Variants in EHF observed in about 807,000 individuals in gnomAD.
EHF encodes ETS homologous factor.
In EHF, 14 loss-of-function variants were observed where a neutral mutation model predicts 45.1. The observed-to-expected ratio is 0.31, with a 90% confidence interval of 0.21 to 0.49. The LOEUF (loss-of-function observed/expected upper bound fraction) is 0.49. Ranked by LOEUF, EHF falls within the 20% of genes least tolerant of loss-of-function variation. The probability of loss-of-function intolerance (pLI) is 0.99; values close to 1 mark genes in which losing one functional copy is unlikely to be tolerated. For synonymous variants in EHF, 136 were observed against 131.8 expected, an observed-to-expected ratio of 1.03 and a Z score of -0.22; for missense variants, 282 against 371.4, an observed-to-expected ratio of 0.76 and a Z score of 1.98.
chr11:34,624,180 G>C (rs576464922), intron 1 of EHF: 1 of 620,480 alleles, frequency 1.6e-6, no homozygotes, highest in Middle Eastern at 8.0e-4. Flanking sequence ...TAGAGTTGAC[G>C]TGACACTCAT....
chr11:34,635,050 A>T lies in EHF; in HGVS notation c.-3-7578A>T, dbSNP rs7945208. On this transcript the variant is annotated intron_variant, in intron 1 of 8. Coordinates refer to ENST00000257831, the MANE Select transcript of EHF (RefSeq NM_012153.6). ...TGTTAAATGACATAATGCCTCCTAG[A>T]GTTGTTGTGAGCATTGATTGAGATA... Among the ~76,000 whole-genome samples, 72 of 152,104 alleles carry T rather than the reference A, an allele frequency of 4.7e-4. 1 individual carries two copies. The South Asian group carries it at 0.011, about 23-fold the overall frequency.
At chr11:34,635,345 C>T (rs1853279121) in intron 1 of EHF, among the ~76,000 whole-genome samples, 1 of 151,870 alleles carries the variant, frequency 6.6e-6, no homozygotes, top group Admixed American at 6.6e-5. Flanking sequence ...CTGAGCAGAG[C>T]CTCCTGGGTC....
At chr11:34,640,474 T>G (rs1853877851) in intron 1 of EHF, among the ~76,000 whole-genome samples, 1 of 152,192 alleles carries the variant, frequency 6.6e-6, no homozygotes, top group Non-Finnish European at 1.5e-5. Context: ...ACCTTTCCAC[T>G]GCTTGTGGTT....
intron 4 of EHF, among the ~76,000 whole-genome samples, chr11:34,651,206 A>C (rs2134180278): frequency 6.6e-6 from 1 of 151,978 alleles, no homozygotes; most frequent in Admixed American, 6.6e-5. Context: ...TCTGGTGATT[A>C]TGCAGTAGAA....
At chr11:34,627,477 G>A (rs1248669172) in intron 1 of EHF, among the ~76,000 whole-genome samples, 3 of 152,098 alleles carry the variant, frequency 2.0e-5, no homozygotes, top group Non-Finnish European at 4.4e-5. Flanking sequence ...TCTTGATCAT[G>A]TCTCCAGATG....
At chr11:34,652,287 C>T (rs1855246344) in intron 6 of EHF, among the ~76,000 whole-genome samples, 1 of 152,200 alleles carries the variant, frequency 6.6e-6, no homozygotes, top group Non-Finnish European at 1.5e-5. Flanking sequence ...CCCACAGTTA[C>T]ACTATTTTGT....
rs765376347 is a variant in EHF at position 34,651,617 on chromosome 11, A to G, written c.475+7A>G. The G allele has an allele frequency of 1.2e-6, 2 of 1,613,046 alleles. No homozygotes were observed. The highest frequency in any genetic ancestry group is 2.2e-5 in the South Asian group (2 of 91,052). On this transcript the variant is annotated splice_region_variant and intron_variant, in intron 5 of 8. Coordinates refer to ENST00000257831, the MANE Select transcript of EHF (RefSeq NM_012153.6). ...AACTATGGTAGCACAGTAGGTAACT[A>G]ACTCCCTGACACTTAAGGCCCTTTA...
chr11:34,655,156 G>T (rs896460394), intron 6 of EHF, among the ~76,000 whole-genome samples: 4 of 152,176 alleles, frequency 2.6e-5, no homozygotes, highest in Admixed American at 2.6e-4. Flanking sequence ...AGAAACCCAA[G>T]TCAGGTGCAG....
chr11:34,637,204 C>G (rs1853514608), intron 1 of EHF, among the ~76,000 whole-genome samples: 1 of 152,116 alleles, frequency 6.6e-6, no homozygotes, highest in African/African-American at 2.4e-5. Context: ...ATAGGAGACT[C>G]TTAAACTTTA....
At chr11:34,652,931 T>C (rs1340397316) in intron 6 of EHF, among the ~76,000 whole-genome samples, 1 of 152,228 alleles carries the variant, frequency 6.6e-6, no homozygotes, top group African/African-American at 2.4e-5. Context: ...GCATTATGTG[T>C]CACTTGAGGT....
At chr11:34,632,148 A>T (rs532611720) in intron 1 of EHF, among the ~76,000 whole-genome samples, 109 of 152,278 alleles carry the variant, frequency 7.2e-4, no homozygotes, top group African/African-American at 2.4e-3. Context: ...TGGCATGAAC[A>T]CTCAGTCAAA....
At chr11:34,648,513 A>T (rs560160769) in intron 3 of EHF, among the ~76,000 whole-genome samples, 12 of 152,336 alleles carry the variant, frequency 7.9e-5, no homozygotes, top group Admixed American at 6.5e-4. Flanking sequence ...CACAGATTGG[A>T]TGTAATCATG....
intron 1 of EHF, among the ~76,000 whole-genome samples, chr11:34,622,932 T>G (rs969374985): frequency 2.2e-4 from 33 of 152,358 alleles, no homozygotes; most frequent in African/African-American, 7.5e-4. Flanking sequence ...TTCTCTTACA[T>G]GACCGCGCAA....
intron 1 of EHF, chr11:34,622,223 C>A: frequency 4.3e-6 from 1 of 232,552 alleles, no homozygotes; most frequent in Non-Finnish European, 8.7e-6. Context: ...TCCATCTTTG[C>A]TGATTTACCA....
Position 34,656,980 on chromosome 11 carries a change from C to T in EHF, c.607+10C>T. On this transcript the variant is annotated intron_variant, in intron 7 of 8. Coordinates refer to ENST00000257831, the MANE Select transcript of EHF (RefSeq NM_012153.6). ...CACACCAAAAAGCACAGTAAGTTGG[C>T]TGGCTTTCAGATGGCCTTTGGTCCT... The T allele has an allele frequency of 2.5e-6, 4 of 1,613,182 alleles. No individual in the cohort carries two copies. Among genetic ancestry groups the T allele is most frequent in the Non-Finnish European group, 3.4e-6 (4 of 1,179,546 alleles).
chr11:34,630,448 C>A (rs1852772211), intron 1 of EHF, among the ~76,000 whole-genome samples: 1 of 152,176 alleles, frequency 6.6e-6, no homozygotes, highest in Admixed American at 6.5e-5. Context: ...CAAATATGAA[C>A]TATTATCACT....
intron 1 of EHF, among the ~76,000 whole-genome samples, chr11:34,637,813 T>G (rs1018955681): frequency 3.9e-5 from 6 of 152,182 alleles, no homozygotes; most frequent in East Asian, 1.9e-4. Flanking sequence ...TCAAATACAC[T>G]TCCCTCCAAT....
At position 34,660,762 on chromosome 11, in the gene EHF, A is replaced by G. The variant is rs960245256; in HGVS notation, c.*1831A>G. The G allele has an allele frequency of 6.6e-6, 1 of 152,174 alleles. No homozygotes were observed. Among genetic ancestry groups the G allele is most frequent in the Admixed American group, 6.6e-5 (1 of 15,266 alleles). The allele number at this position is 152,174 out of a possible 1,614,324, so 9.4% of individuals were successfully genotyped here. On this transcript the variant is annotated 3_prime_UTR_variant, in exon 9 of 9. Transcript: ENST00000257831. Reference sequence around the variant, plus strand: ...ATGAAGACATGTATCCATAAGAAGGAGTGCTCTTCATCAACTAATAGAGCA... The same window carrying G: ...ATGAAGACATGTATCCATAAGAAGGGGTGCTCTTCATCAACTAATAGAGCA...
intron 1 of EHF, among the ~76,000 whole-genome samples, chr11:34,630,700 G>T (rs1852802892): frequency 6.6e-6 from 1 of 151,152 alleles, no homozygotes; most frequent in South Asian, 2.1e-4. Flanking sequence ...GTCAACTAAG[G>T]GTGTTGTTAA....
Sources: allele counts gnomAD v4.1 joint callset (sites outside exome capture counted in the v4.1 genomes callset), GRCh38; gene constraint gnomAD v4.1.1; transcripts MANE v1.5; gene names NCBI Gene and HGNC (gene_info 2026-07-23, HGNC 2026-07-21).